NDUFA8: variants seen among roughly 807,000 people sequenced by gnomAD.
NDUFA8 encodes NADH dehydrogenase [ubiquinone] 1 alpha subcomplex subunit 8.
Under a neutral mutation model 20.9 loss-of-function variants are expected in NDUFA8, and 16 were observed. The observed-to-expected ratio is 0.77, with a 90% CI of 0.52 to 1.16. NDUFA8 has a LOEUF of 1.16. Ranked by LOEUF, NDUFA8 falls within the 50% of genes most tolerant of loss-of-function variation. The pLI is 0.00. For missense variants in NDUFA8, 202 were observed against 216.4 expected (o/e 0.93, Z 0.42); for synonymous variants, 70 against 76.1 (o/e 0.92, Z 0.41).
intron 3 of NDUFA8, among the ~76,000 whole-genome samples, chr9:122,145,090 G>A (rs956196616): frequency 3.3e-5 from 5 of 152,246 alleles, no homozygotes; most frequent in Non-Finnish European, 7.3e-5. Context: ...CTACTCCAAA[G>A]CTTGTGCTTC....
the NDUFA8 span, among the ~76,000 whole-genome samples, chr9:122,137,386 T>C: frequency 6.6e-6 from 1 of 151,722 alleles, no homozygotes; most frequent in Non-Finnish European, 1.5e-5. Context: ...GGATTACAGG[T>C]GTGCACCATC....
chr9:122,153,897 C>G (rs1342577815), intron 1 of NDUFA8, among the ~76,000 whole-genome samples: 1 of 152,200 alleles, frequency 6.6e-6, no homozygotes, highest in Non-Finnish European at 1.5e-5. Context: ...GAGAGCCTCT[C>G]TCTAATCATC....
At chr9:122,158,596 G>C (rs776512778) in intron 1 of NDUFA8, among the ~76,000 whole-genome samples, 11 of 151,554 alleles carry the variant, frequency 7.3e-5, no homozygotes, top group Non-Finnish European at 1.3e-4. Context: ...CGTGACCTTG[G>C]GCAAATCATT....
At chr9:122,149,145 C>T (rs1471793044) in intron 2 of NDUFA8, among the ~76,000 whole-genome samples, 1 of 152,206 alleles carries the variant, frequency 6.6e-6, no homozygotes, top group Non-Finnish European at 1.5e-5. Context: ...GCTTACCTGT[C>T]ATACTCCAGA....
chr9:122,158,523 T>C (rs1829114088), intron 1 of NDUFA8, among the ~76,000 whole-genome samples: 1 of 152,100 alleles, frequency 6.6e-6, no homozygotes, highest in South Asian at 2.1e-4. Flanking sequence ...CATAATATAG[T>C]GGAAAAGCAT....
rs113892732 is a variant in NDUFA8 at position 122,159,754 on chromosome 9, C to T, written c.-77G>A. 6 of 1,603,858 alleles carry T rather than the reference C, an allele frequency of 3.7e-6. No homozygotes were observed. In the African/African-American group the frequency reaches 5.3e-5, roughly 14 times the overall value. On this transcript the variant is annotated 5_prime_UTR_variant, in exon 1 of 4. Transcript: ENST00000373768. ...TCTCCTTGAACTCCCCTTTCGACCG[C>T]CGAGTGCCACACGGCGCCTGCGCAT... is the stretch of plus-strand genomic sequence containing the variant.
chr9:122,154,604 G>T (rs962640224), intron 1 of NDUFA8, among the ~76,000 whole-genome samples: 1 of 152,162 alleles, frequency 6.6e-6, no homozygotes, highest in East Asian at 1.9e-4. Flanking sequence ...CAGAAAAACT[G>T]CCATTTACAA....
At chr9:122,132,937 A>C in the NDUFA8 span, 3 of 455,810 alleles carry the variant, frequency 6.6e-6, no homozygotes, top group Non-Finnish European at 1.3e-5. Flanking sequence ...TGCAGTGTCT[A>C]TTTCTCCATC....
the NDUFA8 span, chr9:122,133,062 A>G: frequency 2.2e-5 from 10 of 455,426 alleles, no homozygotes; most frequent in African/African-American, 1.8e-4. Flanking sequence ...ACCACTCTGC[A>G]AAGTAGACCT....
downstream of NDUFA8, among the ~76,000 whole-genome samples, chr9:122,142,694 C>G: frequency 6.6e-6 from 1 of 152,162 alleles, no homozygotes; most frequent in Admixed American, 6.5e-5. Context: ...TCAAAGGACT[C>G]TGGGCATTGA....
chr9:122,134,540 A>AT, the NDUFA8 span, among the ~76,000 whole-genome samples: 8 of 152,266 alleles, frequency 5.3e-5, no homozygotes, highest in Middle Eastern at 3.4e-3. Flanking sequence ...CATTTCCACC[A>AT]TGGCCTTCTA....
At chr9:122,151,889 T>G (rs1166445461) in intron 2 of NDUFA8, among the ~76,000 whole-genome samples, 3 of 152,208 alleles carry the variant, frequency 2.0e-5, no homozygotes, top group African/African-American at 7.2e-5. Context: ...GACAACAACC[T>G]AGTGAATGCC....
the NDUFA8 span, among the ~76,000 whole-genome samples, chr9:122,134,413 A>C: frequency 6.6e-6 from 1 of 152,178 alleles, no homozygotes; most frequent in Non-Finnish European, 1.5e-5. Context: ...ATAAAACGGG[A>C]ATAACAGGAA....
At position 122,148,396 on chromosome 9, in the gene NDUFA8, T is replaced by TACA. The variant is rs1276928533; in HGVS notation, c.216-122_216-120dup. 1.8e-5 allele frequency: 20 copies of TACA among 1,109,184 alleles called. No homozygotes were observed. The East Asian group carries it at 4.6e-4, about 25-fold the overall frequency. The allele number at this position is 1,109,184 out of a possible 1,614,324, so 68.7% of individuals were successfully genotyped here. Reference sequence around the variant, plus strand: ...CCTTGCTTTTTGAAAGGTATGTGAGTACATATTCTTATCTCACTTACAAGA... The same window carrying TACA: ...CCTTGCTTTTTGAAAGGTATGTGAGTACAACATATTCTTATCTCACTTACAAGA... On this transcript the variant is annotated intron_variant, in intron 2 of 3. Transcript: ENST00000373768.
At chr9:122,152,634 C>A (rs998193259) in intron 1 of NDUFA8, among the ~76,000 whole-genome samples, 2 of 150,794 alleles carry the variant, frequency 1.3e-5, no homozygotes, top group East Asian at 3.9e-4. Flanking sequence ...CGGCTTACTG[C>A]AACTTCGGCC....
chr9:122,158,107 C>T (rs1427187258), intron 1 of NDUFA8, among the ~76,000 whole-genome samples: 3 of 152,090 alleles, frequency 2.0e-5, no homozygotes, highest in Non-Finnish European at 4.4e-5. Context: ...GGGCCAATAT[C>T]GCGCCACTGC....
chr9:122,149,864 C>T lies in NDUFA8; in HGVS notation c.216-1587G>A, dbSNP rs535348845. 6.6e-5 allele frequency among the ~76,000 whole-genome samples: 10 copies of T among 151,904 alleles called. No homozygotes were observed. The East Asian group carries it at 1.7e-3, about 27-fold the overall frequency. On this transcript the variant is annotated intron_variant, in intron 2 of 3. Coordinates refer to ENST00000373768, the MANE Select transcript of NDUFA8 (RefSeq NM_014222.3). ...CCCAGCTACTCAGGTGGCTGAGGCA[C>T]GAGAATCGCTTGAACCCAGGAGGCA...
the NDUFA8 span, among the ~76,000 whole-genome samples, chr9:122,136,270 G>A: frequency 6.6e-6 from 1 of 152,090 alleles, no homozygotes; most frequent in Non-Finnish European, 1.5e-5. Flanking sequence ...GGTCAGGAAT[G>A]GTACACACAT....
chr9:122,154,060 T>A (rs957875216), intron 1 of NDUFA8, among the ~76,000 whole-genome samples: 6 of 152,260 alleles, frequency 3.9e-5, no homozygotes, highest in East Asian at 1.9e-4. Flanking sequence ...AACATCTTTC[T>A]CAATAATTTT....
Sources: gnomAD v4.1 joint callset for allele counts (sites outside exome capture counted in the v4.1 genomes callset) on GRCh38, gnomAD v4.1.1 for gene constraint, MANE v1.5 for transcripts, NCBI Gene and HGNC (gene_info 2026-07-23, HGNC 2026-07-21) for gene names.